ISLR2: variants seen among roughly 807,000 people sequenced by gnomAD.
ISLR2 encodes immunoglobulin superfamily containing leucine-rich repeat protein 2.
Under a neutral mutation model 25.5 loss-of-function variants are expected in ISLR2, and 16 were observed. The observed-to-expected ratio is 0.63, with a 90% CI of 0.43 to 0.95. ISLR2 has a LOEUF of 0.95. ISLR2 is among the 40% of genes least tolerant of loss of function. The pLI is 0.00. For synonymous variants in ISLR2, 508 were observed against 486.6 expected (o/e 1.04, Z -0.58); for missense variants, 883 against 1,030.7 (o/e 0.86, Z 1.96).
In ISLR2 at chr15:74,135,166, C is replaced by A; in HGVS notation, c.*174C>A. On this transcript the variant is annotated 3_prime_UTR_variant, in exon 3 of 3. Transcript: ENST00000453268. ...TCTATTAGGGAGTGGGCCGATTTCA[C>A]CAGTCCCTGCTACCCACGGCTGCCA... The A allele has an allele frequency of 2.8e-6, 2 of 723,282 alleles. No homozygotes were observed. The highest frequency in any genetic ancestry group is 4.6e-6 in the Non-Finnish European group (2 of 436,712). The allele number at this position is 723,282 out of a possible 1,614,324, so 44.8% of individuals were successfully genotyped here. A position where few individuals can be genotyped will look rare whatever the true frequency, so the allele number is the denominator to read the frequency against.
At chr15:74,128,938 C>CA (rs1435680968), upstream of ISLR2, 1 of 449,902 alleles carries the variant, frequency 2.2e-6, no homozygotes, top group South Asian at 1.6e-5. Flanking sequence ...CCCGACCCCA[C>CA]AAGGCCTAGA....
In ISLR2 at chr15:74,136,258, G is replaced by C. The variant is rs2072563580; in HGVS notation, c.*1266G>C. ...CGCTCCCGCGGCTCCACCCGACCCAGACCCTAGCTGGAAAGCGCCGGAGGC... is the reference window on the plus strand; with the variant it reads ...CGCTCCCGCGGCTCCACCCGACCCACACCCTAGCTGGAAAGCGCCGGAGGC... On this transcript the variant is annotated 3_prime_UTR_variant, in exon 3 of 3. Coordinates refer to ENST00000453268, the MANE Select transcript of ISLR2 (RefSeq NM_020851.3). 6.0e-6 allele frequency: 1 copy of C among 166,564 alleles called. No individual in the cohort carries two copies. Among genetic ancestry groups the C allele is most frequent in the African/African-American group, 2.4e-5 (1 of 41,484 alleles). The allele number at this position is 166,564 out of a possible 1,614,324, so 10.3% of individuals were successfully genotyped here.
intron 2 of ISLR2, among the ~76,000 whole-genome samples, chr15:74,104,696 C>T (rs867168038): frequency 1.8e-4 from 28 of 151,862 alleles, no homozygotes; most frequent in Admixed American, 1.8e-3. Flanking sequence ...ATCGCTTGAG[C>T]CCAGGAGTTG....
At chr15:74,109,972 T>C (rs1250571626) in intron 2 of ISLR2, among the ~76,000 whole-genome samples, 5 of 152,130 alleles carry the variant, frequency 3.3e-5, no homozygotes, top group African/African-American at 1.2e-4. Flanking sequence ...TTTTTTATTT[T>C]TTGTGGCGAC....
intron 2 of ISLR2, among the ~76,000 whole-genome samples, chr15:74,120,167 G>A (rs1267081987): frequency 6.6e-6 from 1 of 152,166 alleles, no homozygotes; most frequent in African/African-American, 2.4e-5. Context: ...AGAAGATAAG[G>A]GAATCTTAGG....
At position 74,133,689 on chromosome 15, in the gene ISLR2, C is replaced by G. The variant is rs866080805; in HGVS notation, c.935C>G (p.Thr312Ser). 1.2e-6 allele frequency: 2 copies of G among 1,607,536 alleles called. No homozygotes were observed. The highest frequency in any genetic ancestry group is 2.7e-5 in the African/African-American group (2 of 74,776). ...GEGDGDLLTQ[T>S]QAQTPTPAPA... is the part of the protein sequence containing the mutation. ...GGAGATGGGGATTTGCTGACGCAGA[C>G]CCAAGCCCAAACGCCGACTCCAGCA... The change falls in exon 3 of 3, where the codon ACC (threonine) becomes AGC (serine). Residue 312 changes from threonine to serine, a missense_variant. This residue lies in a region of ISLR2 where 612 missense variants were observed against 642.8 expected (regional missense o/e 0.95). Transcript: ENST00000453268.
chr15:74,108,234 G>T (rs2072137221), intron 2 of ISLR2, among the ~76,000 whole-genome samples: 1 of 152,138 alleles, frequency 6.6e-6, no homozygotes, highest in African/African-American at 2.4e-5. Flanking sequence ...TAAGGCTGAG[G>T]CCCAGCACAC....
chr15:74,117,414 C>G (rs559468762), intron 2 of ISLR2, among the ~76,000 whole-genome samples: 20 of 152,088 alleles, frequency 1.3e-4, no homozygotes, highest in Non-Finnish European at 2.8e-4. Context: ...TATCTTAGGG[C>G]TCACACCTGT....
At chr15:74,128,436 A>G (rs1465049174), upstream of ISLR2, 1 of 456,462 alleles carries the variant, frequency 2.2e-6, no homozygotes, top group Non-Finnish European at 4.4e-6. Context: ...TAACCACCCC[A>G]GGAGCCCCGT....
chr15:74,132,771 C>T lies in ISLR2; in HGVS notation c.17C>T (p.Ala6Val). Residue 6 changes from alanine (A) to valine (V), a missense_variant, in exon 3 of 3, where the codon GCC (alanine) becomes GTC (valine). Ala to Val is a moderately conservative substitution (Grantham distance 64, BLOSUM62 0). Around this residue, in one of 2 missense-constraint regions of ISLR2, gnomAD observed 271 missense variants for 387.9 expected, o/e 0.70. Transcript: ENST00000453268. The surrounding 1 kb of genome is among the most constrained non-coding windows in gnomAD (Gnocchi z 4.3). ...GGAGCCGCGATGTTCCCCCTTCGGG[C>T]CCTGTGGTTGGTCTGGGCGCTTCTA... MFPLR[A>V]LWLVWALLGV... 6.2e-7 allele frequency: 1 copy of T among 1,610,836 alleles called. No individual in the cohort carries two copies. Among genetic ancestry groups the T allele is most frequent in the Non-Finnish European group, 8.5e-7 (1 of 1,177,246 alleles).
chr15:74,128,027 T>C, upstream of ISLR2: 1 of 195,886 alleles, frequency 5.1e-6, no homozygotes, highest in East Asian at 1.9e-4. Context: ...TGATTAGTTG[T>C]CTGTTTCTTT....
At chr15:74,115,927 G>A (rs1421391474) in intron 2 of ISLR2, among the ~76,000 whole-genome samples, 1 of 151,640 alleles carries the variant, frequency 6.6e-6, no homozygotes, top group African/African-American at 2.4e-5. Context: ...GCTGGGTGCG[G>A]TGGCTCACAC....
upstream of ISLR2, chr15:74,128,754 T>G (rs2072339451): frequency 2.3e-6 from 1 of 437,654 alleles, no homozygotes; most frequent in Non-Finnish European, 4.5e-6. Context: ...CGGACTCAGC[T>G]CCCGCTGCTG....
At chr15:74,137,090 G>A (rs2072577748), downstream of ISLR2, among the ~76,000 whole-genome samples, 1 of 152,210 alleles carries the variant, frequency 6.6e-6, no homozygotes, top group Admixed American at 6.5e-5. Context: ...AACACAGGGA[G>A]TCTGAGTGTG....
At chr15:74,126,085 T>TGC, upstream of ISLR2, 1 of 152,166 alleles carries the variant, frequency 6.6e-6, no homozygotes, top group East Asian at 1.9e-4. Flanking sequence ...TGTGTGTGTG[T>TGC]GCAAAGGGGG....
At chr15:74,120,444 C>T (rs1212980534) in intron 2 of ISLR2, among the ~76,000 whole-genome samples, 1 of 151,490 alleles carries the variant, frequency 6.6e-6, no homozygotes, top group African/African-American at 2.4e-5. Flanking sequence ...ATCGCTTGAA[C>T]CCGGGAGGTG....
chr15:74,140,705 A>G (rs188153369), downstream of ISLR2, among the ~76,000 whole-genome samples: 152 of 152,342 alleles, frequency 1.0e-3, no homozygotes, highest in Non-Finnish European at 1.7e-3. Flanking sequence ...TACATTTCCA[A>G]CATAAAGGTA....
At chr15:74,117,766 C>A (rs1196510653) in intron 2 of ISLR2, among the ~76,000 whole-genome samples, 1 of 152,212 alleles carries the variant, frequency 6.6e-6, no homozygotes, top group Admixed American at 6.5e-5. Context: ...GTAGCTAACA[C>A]AACAGCTCCC....
downstream of ISLR2, chr15:74,138,288 C>CTTTTTTTTTT (rs34518777): frequency 2.2e-5 from 2 of 91,674 alleles, no homozygotes; most frequent in Non-Finnish European, 4.3e-5. Flanking sequence ...TTTCTTTTCT[C>CTTTTTTTTTT]TTTTTTTTTT....
Sources: allele counts gnomAD v4.1 joint callset (sites outside exome capture counted in the v4.1 genomes callset), GRCh38; gene constraint gnomAD v4.1.1; regional missense constraint gnomAD v4.1.1; non-coding constraint Gnocchi (gnomAD v3.1); transcripts MANE v1.5; gene names NCBI Gene and HGNC (gene_info 2026-07-23, HGNC 2026-07-21).